The following FOCAD variants were observed in gnomAD, a reference collection of about 807,000 sequenced individuals.
The protein encoded by FOCAD is KIAA1797.
FOCAD carries 198 observed loss-of-function variants against 225.6 expected under a neutral mutation model. The observed-to-expected ratio is 0.88, with a 90% CI of 0.78 to 0.99. The LOEUF (loss-of-function observed/expected upper bound fraction) is 0.99. Among genes scored for constraint, FOCAD ranks in the 50% least tolerant of loss-of-function variants. FOCAD has a pLI of 0.00. For synonymous variants in FOCAD, 897 were observed against 755.0 expected (o/e 1.19, Z -3.08); for missense variants, 2,713 against 2,123.6 (o/e 1.28, Z -5.46).
intron 21 of FOCAD, chr9:20,897,046 C>G (rs1832149369): frequency 6.6e-6 from 1 of 151,810 alleles, no homozygotes; most frequent in African/African-American, 2.4e-5. Flanking sequence ...GCAGTTCTAT[C>G]AGGTTTTGCC....
At chr9:20,660,625 GAAT>G (rs1821687616) in intron 2 of FOCAD, among the ~76,000 whole-genome samples, 1 of 152,210 alleles carries the variant, frequency 6.6e-6, no homozygotes, top group South Asian at 2.1e-4. Context: ...AGTTTGGTTA[GAAT>G]GATGGAAGGA....
chr9:20,931,065 C>T (rs1242873797), intron 27 of FOCAD, among the ~76,000 whole-genome samples: 2 of 152,200 alleles, frequency 1.3e-5, no homozygotes, highest in African/African-American at 2.4e-5. Context: ...CTGGCTCTGA[C>T]TCCTTTCTTC....
At position 20,852,486 on chromosome 9, in the gene FOCAD, A is replaced by G. The variant is rs368124890; in HGVS notation, c.1921-10092A>G. 2.6e-5 allele frequency among the ~76,000 whole-genome samples: 4 copies of G among 151,698 alleles called. No homozygotes were observed. In the South Asian group the frequency reaches 8.3e-4, roughly 31 times the overall value. On this transcript the variant is annotated intron_variant, in intron 15 of 43. Transcript: ENST00000338382. The stretch of plus-strand genomic sequence containing the variant: ...GGATACATAGGGTGGGGGTGGGAGG[A>G]TAGAAGAATCATTTTCATTGAACGT...
chr9:20,941,183 C>G (rs16938222), intron 28 of FOCAD, among the ~76,000 whole-genome samples: 3,022 of 152,164 alleles, frequency 0.02, 88 homozygotes, highest in African/African-American at 0.067. Flanking sequence ...CCATGCTTCC[C>G]GATTTAATGG....
chr9:20,792,736 T>C (rs1820660030), intron 11 of FOCAD, among the ~76,000 whole-genome samples: 2 of 152,220 alleles, frequency 1.3e-5, no homozygotes, highest in South Asian at 4.1e-4. Flanking sequence ...GCTTCAATTT[T>C]TTTCCATGTG....
chr9:20,967,523 C>T (rs7020649), intron 35 of FOCAD, among the ~76,000 whole-genome samples: 53,431 of 151,858 alleles, frequency 0.35, 9,631 homozygotes, highest in East Asian at 0.47. Flanking sequence ...CTAATTGCTC[C>T]GGTTAGAACA....
At chr9:20,771,008 A>T (rs914631240) in intron 8 of FOCAD, among the ~76,000 whole-genome samples, 4 of 152,158 alleles carry the variant, frequency 2.6e-5, no homozygotes, top group African/African-American at 9.7e-5. Flanking sequence ...AAGAGAAAGG[A>T]TTTTATGGGA....
intron 10 of FOCAD, among the ~76,000 whole-genome samples, chr9:20,784,704 G>A (rs1331015146): frequency 6.6e-6 from 1 of 152,068 alleles, no homozygotes; most frequent in African/African-American, 2.4e-5. Flanking sequence ...TGGGTCTTTG[G>A]TAATAAAGCT....
At position 20,916,900 on chromosome 9, in the gene FOCAD, G is replaced by C; in HGVS notation, c.2815G>C (p.Asp939His). The change falls in exon 24 of 44, where the codon GAC becomes CAC. Residue 939 changes from aspartate (D) to histidine (H), a missense_variant. Transcript: ENST00000338382. ...TTTCCATCTTTATTGCAGGGTTAGA[G>C]ACATGCTGACTGATGAGATCACCAA... ...KKSTAWLWVR[D>H]MLTDEITKAA... 1 of 1,606,288 alleles carries C rather than the reference G, an allele frequency of 6.2e-7. No homozygotes were observed. Among genetic ancestry groups the C allele is most frequent in the Non-Finnish European group, 8.5e-7 (1 of 1,177,388 alleles).
intron 15 of FOCAD, among the ~76,000 whole-genome samples, chr9:20,826,022 AT>A (rs1824852108): frequency 6.6e-6 from 1 of 152,032 alleles, no homozygotes; most frequent in Non-Finnish European, 1.5e-5. Context: ...TGATGTATTG[AT>A]TTGGGAATTT....
intron 4 of FOCAD, among the ~76,000 whole-genome samples, chr9:20,734,901 G>C (rs368527063): frequency 6.6e-6 from 1 of 152,158 alleles, no homozygotes; most frequent in African/African-American, 2.4e-5. Context: ...GCCTCCCAAA[G>C]TGCTGGGATT....
intron 35 of FOCAD, among the ~76,000 whole-genome samples, chr9:20,961,054 A>G (rs1038674287): frequency 6.6e-6 from 1 of 152,034 alleles, no homozygotes; most frequent in East Asian, 1.9e-4. Context: ...CAATAAACAT[A>G]CATGTGCACA....
At chr9:20,915,485 G>C (rs1302252609) in intron 23 of FOCAD, among the ~76,000 whole-genome samples, 1 of 152,156 alleles carries the variant, frequency 6.6e-6, no homozygotes, top group East Asian at 1.9e-4. Context: ...GCAGAAGATA[G>C]GGACTGAGAA....
intron 28 of FOCAD, among the ~76,000 whole-genome samples, chr9:20,933,541 T>A (rs938827932): frequency 6.6e-6 from 1 of 152,298 alleles, no homozygotes; most frequent in African/African-American, 2.4e-5. Context: ...TTCCTTTTTA[T>A]GGCTGAGTAG....
chr9:20,679,121 A>ATG (rs539231126), intron 2 of FOCAD, among the ~76,000 whole-genome samples: 16,266 of 121,294 alleles, frequency 0.13, 918 homozygotes, highest in Middle Eastern at 0.16. Flanking sequence ...CAGTCTGTGT[A>ATG]TGTGTGTGTG....
At chr9:20,793,931 C>G (rs770927360) in intron 11 of FOCAD, among the ~76,000 whole-genome samples, 1 of 152,168 alleles carries the variant, frequency 6.6e-6, no homozygotes, top group Non-Finnish European at 1.5e-5. Flanking sequence ...GGGATCGGTC[C>G]TCTCCATACT....
intron 24 of FOCAD, among the ~76,000 whole-genome samples, chr9:20,920,874 TA>T (rs898365754): frequency 1.3e-5 from 2 of 151,036 alleles, no homozygotes; most frequent in Admixed American, 6.6e-5. Flanking sequence ...AATGACGAGT[TA>T]GTGGGTGCAG....
chr9:20,760,413 A>C (rs922901943), intron 6 of FOCAD, among the ~76,000 whole-genome samples: 1 of 152,238 alleles, frequency 6.6e-6, no homozygotes, highest in Non-Finnish European at 1.5e-5. Flanking sequence ...ATGCAGTTCC[A>C]ATCTATCTCA....
chr9:20,826,571 G>C (rs1210804906), intron 15 of FOCAD, among the ~76,000 whole-genome samples: 2 of 152,034 alleles, frequency 1.3e-5, no homozygotes, highest in African/African-American at 4.8e-5. Flanking sequence ...GTCAAGACTC[G>C]TTAATAAACT....
Sources: allele counts gnomAD v4.1 joint callset (sites outside exome capture counted in the v4.1 genomes callset), GRCh38; gene constraint gnomAD v4.1.1; transcripts MANE v1.5; gene names NCBI Gene and HGNC (gene_info 2026-07-23, HGNC 2026-07-21).